The following DCDC2C variants were observed in gnomAD, a reference collection of about 807,000 sequenced individuals.
The protein encoded by DCDC2C is doublecortin domain-containing protein 2C.
Under a neutral mutation model 45.0 loss-of-function variants are expected in DCDC2C, and 44 were observed. The observed-to-expected ratio is 0.98, with a 90% CI of 0.77 to 1.26. The LOEUF (loss-of-function observed/expected upper bound fraction) is 1.26, where lower values mean the gene tolerates loss of function less well. DCDC2C is among the 50% of genes most tolerant of loss of function. The pLI is 0.00. For synonymous variants in DCDC2C, 187 were observed against 178.8 expected (o/e 1.05, Z -0.37); for missense variants, 447 against 468.9 (o/e 0.95, Z 0.43).
At chr2:3,812,055 T>A (rs1340897802) in intron 10 of DCDC2C, among the ~76,000 whole-genome samples, 2 of 152,130 alleles carry the variant, frequency 1.3e-5, no homozygotes, top group African/African-American at 4.8e-5. Flanking sequence ...TTTTGTTGTG[T>A]CTCTTCCCGG....
intron 3 of DCDC2C, among the ~76,000 whole-genome samples, chr2:3,735,766 G>A (rs2148094362): frequency 6.6e-6 from 1 of 152,170 alleles, no homozygotes; most frequent in East Asian, 1.9e-4. Context: ...AGTGATCACG[G>A]CCAGGATAGT....
intron 10 of DCDC2C, among the ~76,000 whole-genome samples, chr2:3,792,204 G>A (rs1021320556): frequency 4.6e-5 from 7 of 152,310 alleles, no homozygotes; most frequent in Non-Finnish European, 7.3e-5. Flanking sequence ...AGAACTTGAT[G>A]CCTGCCTTGT....
chr2:3,835,819 T>C (rs987310269), intron 10 of DCDC2C, among the ~76,000 whole-genome samples: 2 of 152,068 alleles, frequency 1.3e-5, no homozygotes, highest in East Asian at 1.9e-4. Flanking sequence ...TCATTGCCCA[T>C]TGCAGCATCA....
intron 2 of DCDC2C, among the ~76,000 whole-genome samples, chr2:3,717,475 AC>A (rs1668379226): frequency 1.1e-5 from 1 of 92,918 alleles, no homozygotes; most frequent in African/African-American, 4.2e-5. Context: ...CACCCATCCC[AC>A]CTCCTGATCG....
At chr2:3,776,175 C>G (rs2148166469) in intron 8 of DCDC2C, among the ~76,000 whole-genome samples, 1 of 152,332 alleles carries the variant, frequency 6.6e-6, no homozygotes, top group Non-Finnish European at 1.5e-5. Flanking sequence ...TTCTCTCTTT[C>G]CTTGGTGTCT....
chr2:3,804,299 T>A (rs1182939222), intron 10 of DCDC2C, among the ~76,000 whole-genome samples: 1 of 152,234 alleles, frequency 6.6e-6, no homozygotes, highest in Non-Finnish European at 1.5e-5. Context: ...CCTCTATTTT[T>A]AGAAAAGAGC....
intron 3 of DCDC2C, among the ~76,000 whole-genome samples, chr2:3,739,508 A>G (rs6717552): frequency 0.36 from 55,035 of 152,130 alleles, 10,177 homozygotes; most frequent in African/African-American, 0.43. Context: ...CAAGTGGCTG[A>G]ACGTCAAGAG....
chr2:3,777,607 C>G (rs895050623), intron 8 of DCDC2C, among the ~76,000 whole-genome samples: 1 of 152,152 alleles, frequency 6.6e-6, no homozygotes, highest in East Asian at 1.9e-4. Flanking sequence ...GTGGTTTGAG[C>G]ACTCACCATA....
intron 3 of DCDC2C, among the ~76,000 whole-genome samples, chr2:3,731,074 A>T (rs73142814): frequency 9.1e-4 from 139 of 152,268 alleles, no homozygotes; most frequent in African/African-American, 3.2e-3. Flanking sequence ...GGAGCTAATG[A>T]TGCAGCAGCT....
chr2:3,782,093 A>G (rs1670525711), intron 9 of DCDC2C, among the ~76,000 whole-genome samples: 1 of 151,514 alleles, frequency 6.6e-6, no homozygotes, highest in African/African-American at 2.4e-5. Context: ...TCACACCGAA[A>G]CTCTGTGCCA....
chr2:3,847,782 C>T lies in DCDC2C; in HGVS notation c.*599C>T, dbSNP rs1212356882. Among the ~76,000 whole-genome samples the T allele has an allele frequency of 4.6e-5, 7 of 152,102 alleles. No homozygotes were observed. In the South Asian group the frequency reaches 8.3e-4, roughly 18 times the overall value. On this transcript the variant is annotated 3_prime_UTR_variant, in exon 11 of 11. Coordinates refer to ENST00000399143, the MANE Select transcript of DCDC2C (RefSeq NM_001287444.2). ...TTGAATCATGGGGGTGGTCTTCCCC[C>T]TTGCTGTTCTCGTGATAGTGAGTGA... is the stretch of plus-strand genomic sequence containing the variant.
At chr2:3,800,079 T>C (rs1335777803) in intron 10 of DCDC2C, among the ~76,000 whole-genome samples, 2 of 152,250 alleles carry the variant, frequency 1.3e-5, no homozygotes, top group East Asian at 3.9e-4. Context: ...GGTGCGCCGT[T>C]TTTTAAGCCC....
chr2:3,746,946 G>A (rs1018431626), intron 4 of DCDC2C, among the ~76,000 whole-genome samples: 1 of 152,154 alleles, frequency 6.6e-6, no homozygotes, highest in African/African-American at 2.4e-5. Flanking sequence ...TGTGGACAAT[G>A]GCCTGGCCCT....
rs192463591 is a variant in DCDC2C at position 3,824,565 on chromosome 2, T to C, written c.1066-22589T>C. Among the ~76,000 whole-genome samples, 842 of 152,242 alleles carry C rather than the reference T, an allele frequency of 5.5e-3. 8 individuals carry two copies. Among genetic ancestry groups the C allele is most frequent in the African/African-American group, 0.019 (802 of 41,540 alleles). Reference sequence around the variant, plus strand: ...GAATCAGCCTAGAGAGGAGTTTAGTTGAGGTTTGTTGTTATGGCTACCTTC... The same window carrying C: ...GAATCAGCCTAGAGAGGAGTTTAGTCGAGGTTTGTTGTTATGGCTACCTTC... On this transcript the variant is annotated intron_variant, in intron 10 of 10. Coordinates refer to ENST00000399143, the MANE Select transcript of DCDC2C (RefSeq NM_001287444.2).
chr2:3,713,019 AAAG>A (rs1455679600), intron 2 of DCDC2C, among the ~76,000 whole-genome samples: 2 of 144,992 alleles, frequency 1.4e-5, no homozygotes, highest in African/African-American at 4.9e-5. Flanking sequence ...AAAGATGAAT[AAAG>A]AGTTCAAGAA....
chr2:3,819,026 C>T (rs1030300125), intron 10 of DCDC2C, among the ~76,000 whole-genome samples: 6 of 152,216 alleles, frequency 3.9e-5, no homozygotes, highest in Admixed American at 3.3e-4. Flanking sequence ...GGGAAACAGG[C>T]CCTTGAAAGG....
rs1242183630 is a variant in DCDC2C at position 3,734,958 on chromosome 2, T to C, written c.417-6962T>C. Among the ~76,000 whole-genome samples the C allele has an allele frequency of 2.0e-5, 3 of 152,122 alleles. No homozygotes were observed. The highest frequency in any genetic ancestry group is 4.8e-5 in the African/African-American group (2 of 41,428). ...ATCGTGGCCTAAAGAGAGGAGGCAA[T>C]TGGAGAGAAATTAGGCATCCACATC... On this transcript the variant is annotated intron_variant, in intron 3 of 10. Coordinates refer to ENST00000399143, the MANE Select transcript of DCDC2C (RefSeq NM_001287444.2). This position sits in a 1 kb window ranked among gnomAD's most constrained non-coding sequence, Gnocchi z 4.2.
intron 10 of DCDC2C, among the ~76,000 whole-genome samples, chr2:3,842,096 T>C (rs1391220643): frequency 2.0e-5 from 3 of 152,136 alleles, no homozygotes; most frequent in African/African-American, 4.8e-5. Flanking sequence ...ATTAATCATT[T>C]TTTAAAAATA....
At chr2:3,806,645 C>A (rs544411923) in intron 10 of DCDC2C, among the ~76,000 whole-genome samples, 1 of 151,516 alleles carries the variant, frequency 6.6e-6, no homozygotes, top group Non-Finnish European at 1.5e-5. Context: ...TGGGTTCAAG[C>A]GATTCTCCTG....
Sources: allele counts gnomAD v4.1 joint callset (sites outside exome capture counted in the v4.1 genomes callset), GRCh38; gene constraint gnomAD v4.1.1; non-coding constraint Gnocchi (gnomAD v3.1); transcripts MANE v1.5; gene names NCBI Gene and HGNC (gene_info 2026-07-23, HGNC 2026-07-21).